The following LRBA variants were observed in gnomAD, a reference collection of about 807,000 sequenced individuals.
The protein encoded by LRBA is LPS responsive beige-like anchor protein.
LRBA carries 176 observed loss-of-function variants against 330.0 expected under a neutral mutation model. The observed-to-expected ratio is 0.53, with a 90% CI of 0.47 to 0.60. The LOEUF (loss-of-function observed/expected upper bound fraction) is 0.60, where lower values mean the gene tolerates loss of function less well. Among genes scored for constraint, LRBA ranks in the 20% least tolerant of loss-of-function variants. The pLI is 0.00. For synonymous variants in LRBA, 1,230 were observed against 1,193.0 expected, an observed-to-expected ratio of 1.03 and a Z score of -0.64; for missense variants, 3,259 against 3,444.8, an observed-to-expected ratio of 0.95 and a Z score of 1.35.
At chr4:150,950,321 A>C (rs1201210) in intron 2 of LRBA, among the ~76,000 whole-genome samples, 20,282 of 152,126 alleles carry the variant, frequency 0.13, 2,074 homozygotes, top group African/African-American at 0.27. Flanking sequence ...AAATGTCATG[A>C]ATTTCATATT....
At chr4:150,548,218 A>T (rs1367010487) in intron 40 of LRBA, among the ~76,000 whole-genome samples, 1 of 152,082 alleles carries the variant, frequency 6.6e-6, no homozygotes, top group African/African-American at 2.4e-5. Flanking sequence ...TCTTCCCTCA[A>T]TCAGTTATCC....
At chr4:150,572,609 C>T (rs775422748) in intron 40 of LRBA, among the ~76,000 whole-genome samples, 24 of 152,164 alleles carry the variant, frequency 1.6e-4, no homozygotes, top group Non-Finnish European at 2.9e-4. Flanking sequence ...ATCAAAACTT[C>T]AAAAAGTTAC....
intron 35 of LRBA, among the ~76,000 whole-genome samples, chr4:150,741,144 A>G (rs946178132): frequency 1.3e-5 from 2 of 152,160 alleles, no homozygotes; most frequent in Non-Finnish European, 2.9e-5. Context: ...TACACAAAAC[A>G]TAAGAAAAAT....
chr4:150,323,053 C>G (rs561826253), intron 49 of LRBA, among the ~76,000 whole-genome samples: 93 of 120,376 alleles, frequency 7.7e-4, no homozygotes, highest in Non-Finnish European at 1.3e-3. Context: ...GATGGGGGAG[C>G]TCATCTGAAT....
At chr4:150,689,554 T>C (rs921239797) in intron 36 of LRBA, among the ~76,000 whole-genome samples, 1 of 151,892 alleles carries the variant, frequency 6.6e-6, no homozygotes, top group African/African-American at 2.4e-5. Flanking sequence ...TTAAAGAAAT[T>C]GAACTCAACT....
At chr4:150,300,777 G>A (rs1236052777) in intron 53 of LRBA, among the ~76,000 whole-genome samples, 9 of 151,950 alleles carry the variant, frequency 5.9e-5, no homozygotes, top group African/African-American at 2.2e-4. Context: ...TTCTTCCTTT[G>A]CGAAGAGCTG....
In LRBA at chr4:150,844,674, C is replaced by T; in HGVS notation, c.4445G>A (p.Gly1482Glu). 1 of 1,612,348 alleles carries T rather than the reference C, an allele frequency of 6.2e-7. No individual in the cohort carries two copies. The highest frequency in any genetic ancestry group is 8.5e-7 in the Non-Finnish European group (1 of 1,179,086). ...TATACTTACCTTCGCTGCAGATTTC[C>T]CTAAAGGAATAAGGCTATGCATTGG... is the stretch of plus-strand genomic sequence containing the variant. ...LKPMHSLIPL[G>E]KSAAKSPVDI... is the part of the protein sequence containing the mutation. Residue 1482 changes from glycine (G) to glutamate (E), a missense_variant, in exon 27 of 57, where the codon GGG becomes GAG. Coordinates refer to ENST00000651943, the MANE Select transcript of LRBA (RefSeq NM_001364905.1).
intron 37 of LRBA, among the ~76,000 whole-genome samples, chr4:150,675,153 T>G (rs1411506558): frequency 6.6e-6 from 1 of 151,682 alleles, no homozygotes; most frequent in Non-Finnish European, 1.5e-5. Flanking sequence ...TGAGCTGTGA[T>G]CTGCACTCCA....
At chr4:150,528,065 G>A (rs999170769) in intron 40 of LRBA, among the ~76,000 whole-genome samples, 14 of 151,946 alleles carry the variant, frequency 9.2e-5, no homozygotes, top group Non-Finnish European at 1.6e-4. Context: ...GAATTCTTTA[G>A]GTAAAAATAT....
intron 2 of LRBA, among the ~76,000 whole-genome samples, chr4:151,005,355 T>C (rs944398754): frequency 2.3e-5 from 3 of 130,896 alleles, no homozygotes; most frequent in East Asian, 5.2e-4. Flanking sequence ...GGAGAATCCC[T>C]TGAACCCGGG....
In LRBA at chr4:150,817,276, A is replaced by T; in HGVS notation, c.5172-19T>A. The T allele has an allele frequency of 6.2e-7, 1 of 1,609,060 alleles. No homozygotes were observed. The highest frequency in any genetic ancestry group is 8.5e-7 in the Non-Finnish European group (1 of 1,176,206). ...GACACTTCTGTAATAAAGAAAGTAA[A>T]CAGACTGAAAGATACAAATTGATCT... On this transcript the variant is annotated intron_variant, in intron 30 of 56. Coordinates refer to ENST00000651943, the MANE Select transcript of LRBA (RefSeq NM_001364905.1).
At chr4:150,702,925 C>T (rs971645470) in intron 36 of LRBA, among the ~76,000 whole-genome samples, 4 of 152,134 alleles carry the variant, frequency 2.6e-5, no homozygotes, top group Admixed American at 1.3e-4. Context: ...TTTGGGAGGC[C>T]AAGGCAGGGG....
At chr4:150,302,164 G>A (rs909644015) in intron 53 of LRBA, among the ~76,000 whole-genome samples, 12 of 152,102 alleles carry the variant, frequency 7.9e-5, no homozygotes, top group Non-Finnish European at 1.6e-4. Context: ...GCCAATTTGA[G>A]TATTCCACAT....
At chr4:150,504,541 G>C (rs1760780529) in intron 40 of LRBA, among the ~76,000 whole-genome samples, 1 of 152,180 alleles carries the variant, frequency 6.6e-6, no homozygotes, top group South Asian at 2.1e-4. Context: ...ACAAGCAAAT[G>C]CTGAGAGATT....
intron 54 of LRBA, 62 bp from the exon 55 acceptor site, chr4:150,282,708 A>G (rs1747689837): frequency 2.6e-6 from 3 of 1,169,118 alleles, no homozygotes; most frequent in Non-Finnish European, 3.7e-6. Flanking sequence ...TATGATCTGA[A>G]TCTTGAGCAC....
chr4:150,722,386 A>C (rs912084262), intron 36 of LRBA, among the ~76,000 whole-genome samples: 1 of 152,206 alleles, frequency 6.6e-6, no homozygotes, highest in African/African-American at 2.4e-5. Flanking sequence ...TTAAGTTCCA[A>C]CTAATAAAGT....
chr4:150,393,406 T>C (rs1419201844), intron 47 of LRBA, among the ~76,000 whole-genome samples: 3 of 151,786 alleles, frequency 2.0e-5, no homozygotes, highest in Non-Finnish European at 4.4e-5. Flanking sequence ...CCCCCACCTC[T>C]ACAATTCTAG....
intron 40 of LRBA, among the ~76,000 whole-genome samples, chr4:150,500,947 T>C (rs993646594): frequency 6.6e-6 from 1 of 152,178 alleles, no homozygotes; most frequent in African/African-American, 2.4e-5. Flanking sequence ...CTACTAAATA[T>C]TAAGCTTGTT....
intron 36 of LRBA, among the ~76,000 whole-genome samples, chr4:150,685,420 A>ATATATCTTTTTTTTTTTTTT (rs1561514146): frequency 5.7e-5 from 1 of 17,436 alleles, no homozygotes; most frequent in Non-Finnish European, 9.2e-5. Flanking sequence ...ATATATATAT[A>ATATATCTTTTTTTTTTTTTT]TTTTTTTTTT....
Sources: allele counts gnomAD v4.1 joint callset (sites outside exome capture counted in the v4.1 genomes callset), GRCh38; gene constraint gnomAD v4.1.1; transcripts MANE v1.5; gene names NCBI Gene and HGNC (gene_info 2026-07-23, HGNC 2026-07-21).